The following CEMIP variants were observed in gnomAD, a reference collection of about 807,000 sequenced individuals.
CEMIP encodes cell migration-inducing and hyaluronan-binding protein.
Under a neutral mutation model 156.9 loss-of-function variants are expected in CEMIP, and 105 were observed. That is an observed-to-expected ratio of 0.67 (90% confidence interval 0.57 to 0.79). The LOEUF (loss-of-function observed/expected upper bound fraction) is 0.79. Among genes scored for constraint, CEMIP ranks in the 30% least tolerant of loss-of-function variants. The pLI, the probability that CEMIP is intolerant of heterozygous loss-of-function variation, is 0.00. For synonymous variants in CEMIP, 676 were observed against 668.4 expected, an observed-to-expected ratio of 1.01 and a Z score of -0.17; for missense variants, 1,457 against 1,769.4, an observed-to-expected ratio of 0.82 and a Z score of 3.17.
chr15:80,865,651 T>C lies in CEMIP; in HGVS notation c.-175-7887T>C, dbSNP rs1013575186. On this transcript the variant is annotated intron_variant, in intron 1 of 29. Transcript: ENST00000394685. ...ATATCATGAAAATTATGCACAGCCC[T>C]TTTTTTTTTTTTTTTTTATAGCTCA... 2.6e-4 allele frequency among the ~76,000 whole-genome samples: 28 copies of C among 105,790 alleles called. 1 individual carries two copies. Among genetic ancestry groups the C allele is most frequent in the Admixed American group, 2.5e-3 (28 of 11,394 alleles). The allele number at this position is 105,790 out of a possible 152,430, so 69.4% of individuals were successfully genotyped here. A position where few individuals can be genotyped will look rare whatever the true frequency, so the allele number is the denominator to read the frequency against.
At chr15:80,871,372 A>G (rs984523408) in intron 1 of CEMIP, among the ~76,000 whole-genome samples, 7 of 152,220 alleles carry the variant, frequency 4.6e-5, no homozygotes, top group African/African-American at 1.7e-4. Context: ...GGGGTTGAGC[A>G]TTATTCCTCC....
At chr15:80,869,858 T>C (rs1034909559) in intron 1 of CEMIP, among the ~76,000 whole-genome samples, 1 of 152,104 alleles carries the variant, frequency 6.6e-6, no homozygotes. Context: ...CACAGAGAGA[T>C]TGAATGGGCT....
At chr15:80,824,498 C>G (rs1896984563) in intron 1 of CEMIP, among the ~76,000 whole-genome samples, 1 of 152,172 alleles carries the variant, frequency 6.6e-6, no homozygotes, top group South Asian at 2.1e-4. Flanking sequence ...CCCAAGAGGA[C>G]AGTCTCCAGC....
chr15:80,920,611 G>A (rs931168887), intron 15 of CEMIP, among the ~76,000 whole-genome samples: 10 of 152,138 alleles, frequency 6.6e-5, no homozygotes, highest in African/African-American at 1.2e-4. Context: ...CTGACACCTC[G>A]CCTGCCACAG....
At chr15:80,787,519 G>A (rs924944304) in intron 1 of CEMIP, among the ~76,000 whole-genome samples, 6 of 152,194 alleles carry the variant, frequency 3.9e-5, no homozygotes, top group Admixed American at 3.9e-4. Flanking sequence ...GGGGAATCCA[G>A]CCCCCTGTCT....
intron 1 of CEMIP, among the ~76,000 whole-genome samples, chr15:80,839,407 G>A (rs1487994003): frequency 2.0e-5 from 3 of 151,980 alleles, no homozygotes; most frequent in African/African-American, 7.3e-5. Flanking sequence ...GTCCCAAGTG[G>A]GGGAGGGAGA....
chr15:80,930,687 G>A (rs886293014), intron 21 of CEMIP, among the ~76,000 whole-genome samples: 5 of 152,270 alleles, frequency 3.3e-5, no homozygotes, highest in South Asian at 4.1e-4. Flanking sequence ...CCCACTGAAG[G>A]CATGTTACCG....
At chr15:80,858,902 A>C (rs1393676240) in intron 1 of CEMIP, among the ~76,000 whole-genome samples, 2 of 152,166 alleles carry the variant, frequency 1.3e-5, no homozygotes, top group Non-Finnish European at 2.9e-5. Context: ...CTTCAGGCAT[A>C]ATTGGGTCTT....
chr15:80,817,780 T>C (rs888175197), intron 1 of CEMIP, among the ~76,000 whole-genome samples: 14 of 151,984 alleles, frequency 9.2e-5, no homozygotes, highest in African/African-American at 2.9e-4. Flanking sequence ...TCTTGGATGA[T>C]TGTGTTTGGT....
chr15:80,810,399 A>G (rs973233992), intron 1 of CEMIP, among the ~76,000 whole-genome samples: 7 of 152,072 alleles, frequency 4.6e-5, no homozygotes, highest in South Asian at 2.1e-4. Context: ...ACGGAGTCTC[A>G]CTCTGTCACC....
intron 24 of CEMIP, 145 bp downstream of exon 24, chr15:80,937,030 A>AT: frequency 9.9e-6 from 8 of 811,144 alleles, no homozygotes; most frequent in Non-Finnish European, 1.6e-5. Context: ...ATCACCCAGG[A>AT]GTTAAGAATT....
intron 23 of CEMIP, among the ~76,000 whole-genome samples, chr15:80,934,882 G>A (rs905743886): frequency 6.6e-6 from 1 of 152,228 alleles, no homozygotes; most frequent in African/African-American, 2.4e-5. Context: ...CATGTGCTGA[G>A]AATGTGGGGA....
chr15:80,841,677 T>A (rs535782150), intron 1 of CEMIP, among the ~76,000 whole-genome samples: 89 of 152,210 alleles, frequency 5.8e-4, no homozygotes, highest in Middle Eastern at 3.2e-3. Flanking sequence ...CTCTTACAGG[T>A]CCTTGGTAGC....
chr15:80,868,175 G>A (rs1221129972), intron 1 of CEMIP, among the ~76,000 whole-genome samples: 1 of 152,126 alleles, frequency 6.6e-6, no homozygotes, highest in Admixed American at 6.5e-5. Flanking sequence ...AAAGGAAGGG[G>A]GAAACATAGA....
chr15:80,873,841 G>C, intron 2 of CEMIP, 23 bp from the exon 3 acceptor site: 2 of 1,530,208 alleles, frequency 1.3e-6, no homozygotes, highest in South Asian at 2.4e-5. Context: ...CTGCATGTCT[G>C]ACTCTGTGTG....
chr15:80,816,189 A>C lies in CEMIP; in HGVS notation c.-176+36575A>C, dbSNP rs74971501. ...AACCCTGAGGAATTGTCTCTGATCAAGACCACAGGAGAAACTTTCCCATCT... is the reference window on the plus strand; with the variant it reads ...AACCCTGAGGAATTGTCTCTGATCACGACCACAGGAGAAACTTTCCCATCT... On this transcript the variant is annotated intron_variant, in intron 1 of 29. Coordinates refer to ENST00000394685, the MANE Select transcript of CEMIP (RefSeq NM_001293298.2). Among the ~76,000 whole-genome samples the C allele has an allele frequency of 5.1e-3, 784 of 152,296 alleles. 1 individual carries two copies. The highest frequency in any genetic ancestry group is 0.01 in the Middle Eastern group (3 of 294).
rs1047099935 is a variant in CEMIP, at chr15:80,895,132, C to T, written c.1219+10C>T. ...CTCTGTGGGAAGCCTGGTAAGCAGC[C>T]CCTTGTCGGGGACACAGATGCAACT... On this transcript the variant is annotated intron_variant, in intron 11 of 29. Transcript: ENST00000394685. 8.7e-6 allele frequency: 14 copies of T among 1,613,968 alleles called. No homozygotes were observed. In the Admixed American group the frequency reaches 1.5e-4, roughly 17 times the overall value.
At chr15:80,924,773 T>C in intron 18 of CEMIP, 67 bp downstream of exon 18, 2 of 1,298,854 alleles carry the variant, frequency 1.5e-6, no homozygotes. Context: ...TCCCCCTCCT[T>C]CAATCACTCA....
intron 1 of CEMIP, among the ~76,000 whole-genome samples, chr15:80,781,138 A>G (rs78082788): frequency 0.036 from 5,409 of 152,296 alleles, 315 homozygotes; most frequent in African/African-American, 0.12. Context: ...TACGCCAGAC[A>G]TAATTAGGGA....
Sources: allele counts gnomAD v4.1 joint callset (sites outside exome capture counted in the v4.1 genomes callset), GRCh38; gene constraint gnomAD v4.1.1; transcripts MANE v1.5; gene names NCBI Gene and HGNC (gene_info 2026-07-23, HGNC 2026-07-21).